Variants in CTPS2 observed in about 807,000 individuals in gnomAD.
CTPS2 encodes the protein CTP synthase 2.
CTPS2 carries 19 observed loss-of-function variants against 46.8 expected under a neutral mutation model. The ratio of observed to expected loss-of-function variants is 0.41; its 90% CI spans 0.28 to 0.60. CTPS2 has a LOEUF of 0.60. CTPS2 is among the 20% of genes least tolerant of loss of function. CTPS2 has a pLI of 0.35. For missense variants in CTPS2, 286 were observed against 447.6 expected (o/e 0.64, Z 3.26); for synonymous variants, 151 against 165.2 (o/e 0.91, Z 0.66).
chrX:16,602,747 C>T (rs752033942), intron 17 of CTPS2, among the ~76,000 whole-genome samples: 1 of 112,320 alleles, frequency 8.9e-6, no homozygotes, highest in African/African-American at 3.2e-5. Context: ...GCTTTAGCAT[C>T]CACTGATGAT....
intron 1 of CTPS2, among the ~76,000 whole-genome samples, chrX:16,708,906 C>A (rs1185267493): frequency 9.0e-6 from 1 of 110,977 alleles, no homozygotes; most frequent in Non-Finnish European, 1.9e-5. Flanking sequence ...GTCAGGAGTT[C>A]GAGACCAGCC....
intron 17 of CTPS2, among the ~76,000 whole-genome samples, chrX:16,602,464 C>T (rs1929723037): frequency 9.0e-6 from 1 of 111,487 alleles, no homozygotes. Flanking sequence ...AACAGTTATA[C>T]TACCTGATGA....
At chrX:16,658,686 C>T (rs1422621787) in intron 13 of CTPS2, among the ~76,000 whole-genome samples, 1 of 112,413 alleles carries the variant, frequency 8.9e-6, no homozygotes, top group African/African-American at 3.2e-5. Context: ...AGCTTCACTT[C>T]CCAGAGAGCA....
At chrX:16,671,043 C>T (rs949213178) in intron 10 of CTPS2, among the ~76,000 whole-genome samples, 3 of 111,826 alleles carry the variant, frequency 2.7e-5, no homozygotes, top group Admixed American at 1.9e-4. Flanking sequence ...CTGACATCAT[C>T]AGAAAGAGTT....
At chrX:16,603,416 A>AAAATAAATAAATAAATAAAT (rs3053010) in intron 17 of CTPS2, among the ~76,000 whole-genome samples, 6 of 88,523 alleles carry the variant, frequency 6.8e-5, no homozygotes, top group East Asian at 3.5e-4. Context: ...ACTTGTCTCA[A>AAAATAAATAAATAAATAAAT]AAATAAATAA....
chrX:16,645,665 G>A (rs1380377486), intron 13 of CTPS2, among the ~76,000 whole-genome samples: 1 of 112,514 alleles, frequency 8.9e-6, no homozygotes, highest in Non-Finnish European at 1.9e-5. Context: ...TTCCCCACCA[G>A]TAAAAGAAAG....
chrX:16,639,770 G>GGAGAA (rs1931956047), intron 13 of CTPS2, among the ~76,000 whole-genome samples: 1 of 30,999 alleles, frequency 3.2e-5, no homozygotes, highest in African/African-American at 1.0e-4. Context: ...GAAAAGAAAA[G>GGAGAA]GAAAAGAAAA....
At position 16,609,526 on chromosome X, in the gene CTPS2, C is replaced by A. The variant is rs1381081949; in HGVS notation, c.1691+15G>T. On this transcript the variant is annotated intron_variant, in intron 17 of 18. Transcript: ENST00000359276. ...ATGCATCTTGGTTTATTGCTAAGAG[C>A]AGTAAGCTGGTTACCTGGAAGACAG... 1.7e-5 allele frequency: 21 copies of A among 1,208,956 alleles called. No individual in the cohort carries two copies. The East Asian group carries it at 6.2e-4, about 36-fold the overall frequency.
At chrX:16,606,853 C>T (rs1430417484) in intron 17 of CTPS2, among the ~76,000 whole-genome samples, 1 of 111,678 alleles carries the variant, frequency 9.0e-6, no homozygotes, top group African/African-American at 3.3e-5. Flanking sequence ...CCTCTGCCTC[C>T]CGGGTTCAAA....
rs183531896 is a variant in CTPS2 at position 16,668,356 on chromosome X, C to T, written c.1190-632G>A. 4.5e-3 allele frequency among the ~76,000 whole-genome samples: 466 copies of T among 103,087 alleles called. 5 individuals carry two copies. Among genetic ancestry groups the T allele is most frequent in the African/African-American group, 0.016 (443 of 27,963 alleles). The allele number at this position is 103,087 out of a possible 115,157, so 89.5% of individuals were successfully genotyped here. A position where few individuals can be genotyped will look rare whatever the true frequency, so the allele number is the denominator to read the frequency against. On this transcript the variant is annotated intron_variant, in intron 11 of 18. Coordinates refer to ENST00000359276, the MANE Select transcript of CTPS2 (RefSeq NM_175859.3). ...TTGGGAGGCTGAGTTGGGCGGATCACGAGGTCAGGAGATCGAGACCATCCT... is the reference window on the plus strand; with the variant it reads ...TTGGGAGGCTGAGTTGGGCGGATCATGAGGTCAGGAGATCGAGACCATCCT...
At chrX:16,681,322 A>G (rs1272210249) in intron 9 of CTPS2, among the ~76,000 whole-genome samples, 1 of 112,276 alleles carries the variant, frequency 8.9e-6, no homozygotes, top group Non-Finnish European at 1.9e-5. Context: ...AGTGGAAGCC[A>G]TTAAATTTCT....
chrX:16,676,115 A>G (rs1245481963), intron 10 of CTPS2, among the ~76,000 whole-genome samples: 1 of 112,260 alleles, frequency 8.9e-6, no homozygotes, highest in Non-Finnish European at 1.9e-5. Context: ...AGTTGTTTGC[A>G]TAAGTGCAAT....
At chrX:16,625,187 C>G (rs1931060487) in intron 14 of CTPS2, among the ~76,000 whole-genome samples, 1 of 112,533 alleles carries the variant, frequency 8.9e-6, no homozygotes, top group Non-Finnish European at 1.9e-5. Flanking sequence ...TCCATCCACA[C>G]AATGGAATAT....
intron 17 of CTPS2, among the ~76,000 whole-genome samples, chrX:16,593,262 T>C (rs2147154966): frequency 9.1e-6 from 1 of 109,972 alleles, no homozygotes; most frequent in African/African-American, 3.3e-5. Flanking sequence ...ACCCCAACTC[T>C]ACTAAAAATA....
At chrX:16,696,484 C>G (rs763569037) in intron 4 of CTPS2, among the ~76,000 whole-genome samples, 5 of 111,949 alleles carry the variant, frequency 4.5e-5, no homozygotes, top group Non-Finnish European at 9.4e-5. Flanking sequence ...AGGGCTAGTA[C>G]ATATTAAGTG....
At chrX:16,701,915 G>A (rs1471839291) in intron 2 of CTPS2, among the ~76,000 whole-genome samples, 1 of 110,664 alleles carries the variant, frequency 9.0e-6, no homozygotes, top group African/African-American at 3.3e-5. Flanking sequence ...GAACATTTCT[G>A]TTTCTTGATC....
At chrX:16,672,633 G>A (rs922307772) in intron 10 of CTPS2, among the ~76,000 whole-genome samples, 2 of 111,049 alleles carry the variant, frequency 1.8e-5, no homozygotes, top group Non-Finnish European at 3.8e-5. Context: ...GGCCAGAACA[G>A]GAAAAGATAA....
At chrX:16,646,935 T>C (rs1301041366) in intron 13 of CTPS2, among the ~76,000 whole-genome samples, 2 of 112,042 alleles carry the variant, frequency 1.8e-5, no homozygotes, top group African/African-American at 6.5e-5. Context: ...ATTACCACCC[T>C]TGTGCCTGTC....
rs1273961567 is a variant in CTPS2, at chrX:16,655,801, CT to C, written c.1296+11712del. 1.0e-4 allele frequency among the ~76,000 whole-genome samples: 11 copies of C among 107,733 alleles called. No individual in the cohort carries two copies. The South Asian group carries it at 4.5e-3, about 44-fold the overall frequency. 93.6% of individuals were successfully genotyped at this position (107,733 alleles called of 115,157 possible). On this transcript the variant is annotated intron_variant, in intron 13 of 18. Coordinates refer to ENST00000359276, the MANE Select transcript of CTPS2 (RefSeq NM_175859.3). The stretch of plus-strand genomic sequence containing the variant: ...TCTTTTTTTCTTTTTCTTTTTTTTT[CT>C]TTTTTTTCTTTGAGACAGAGTCTTG...
Sources: gnomAD v4.1 joint callset for allele counts (sites outside exome capture counted in the v4.1 genomes callset) on GRCh38, gnomAD v4.1.1 for gene constraint, MANE v1.5 for transcripts, NCBI Gene and HGNC (gene_info 2026-07-23, HGNC 2026-07-21) for gene names.